The following ATP10B variants were observed in gnomAD, a reference collection of about 807,000 sequenced individuals.
The protein encoded by ATP10B is ATPase phospholipid transporting 10B (putative), also known as phospholipid-transporting ATPase VB.
Under a neutral mutation model 141.2 loss-of-function variants are expected in ATP10B, and 122 were observed. The ratio of observed to expected loss-of-function variants is 0.86; its 90% CI spans 0.75 to 1.00. ATP10B has a LOEUF of 1.00. Among genes scored for constraint, ATP10B ranks in the 50% least tolerant of loss-of-function variants. The pLI is 0.00. For missense variants in ATP10B, 1,876 were observed against 1,825.3 expected (o/e 1.03, Z -0.51); for synonymous variants, 685 against 692.0 (o/e 0.99, Z 0.16).
intron 22 of ATP10B, among the ~76,000 whole-genome samples, chr5:160,595,171 C>G (rs747974055): frequency 6.6e-6 from 1 of 152,172 alleles, no homozygotes; most frequent in Admixed American, 6.6e-5. Flanking sequence ...TGTAAAAGAA[C>G]AGAAATTATA....
chr5:160,809,976 T>C (rs1158250436), intron 1 of ATP10B, among the ~76,000 whole-genome samples: 1 of 152,210 alleles, frequency 6.6e-6, no homozygotes, highest in Non-Finnish European at 1.5e-5. Flanking sequence ...CTTTAAGACA[T>C]TGGTCAGGTA....
At position 160,565,863 on chromosome 5, in the gene ATP10B, A is replaced by G. The variant is rs535447038; in HGVS notation, c.3976T>C (p.Ser1326Pro). The part of the protein sequence containing the change: ...FLSLQGTCGK[S>P]LISKAQKIDK... The stretch of plus-strand genomic sequence containing the variant: ...ATTTTCTGAGCTTTTGAGATTAGAG[A>G]CTTCCCACAAGTTCCTTGCAGAGAC... The change falls in exon 26 of 26, where the codon TCT becomes CCT. Residue 1326 changes from serine (S) to proline (P), a missense_variant. Physicochemically the swap from Ser to Pro is moderately conservative, Grantham distance 74. Coordinates refer to ENST00000327245, the MANE Select transcript of ATP10B (RefSeq NM_025153.3). 6.2e-7 allele frequency: 1 copy of G among 1,613,458 alleles called. No individual in the cohort carries two copies. Among genetic ancestry groups the G allele is most frequent in the South Asian group, 1.1e-5 (1 of 91,004 alleles).
At chr5:160,866,551 C>T in the ATP10B span, among the ~76,000 whole-genome samples, 46 of 152,002 alleles carry the variant, frequency 3.0e-4, 1 homozygote, top group Middle Eastern at 6.8e-3. Flanking sequence ...TGCATGCCTG[C>T]AATCCCAGCT....
At chr5:160,707,442 T>C (rs1211729818) in intron 3 of ATP10B, among the ~76,000 whole-genome samples, 1 of 152,220 alleles carries the variant, frequency 6.6e-6, no homozygotes, top group African/African-American at 2.4e-5. Context: ...CTTGCTCCAT[T>C]TGAGATGCTG....
chr5:160,808,944 T>C (rs1304157797), intron 1 of ATP10B, among the ~76,000 whole-genome samples: 1 of 152,202 alleles, frequency 6.6e-6, no homozygotes, highest in South Asian at 2.1e-4. Context: ...TCTTCCCTGG[T>C]TGCTGGTGGT....
At chr5:160,854,429 T>A (rs1334460496), upstream of ATP10B, among the ~76,000 whole-genome samples, 1 of 152,136 alleles carries the variant, frequency 6.6e-6, no homozygotes, top group East Asian at 1.9e-4. Flanking sequence ...GGTGTTTGGT[T>A]TTCTGTTCCT....
At chr5:160,770,902 G>A (rs1002896205) in intron 2 of ATP10B, among the ~76,000 whole-genome samples, 4 of 152,174 alleles carry the variant, frequency 2.6e-5, no homozygotes, top group African/African-American at 4.8e-5. Flanking sequence ...AATTTCTATA[G>A]CGTAGGTATT....
At position 160,653,409 on chromosome 5, in the gene ATP10B, A is replaced by G. The variant is rs1177419110; in HGVS notation, c.676-4153T>C. ...AGTATATATACATACGTACATACAT[A>G]CATAGGTAGTATATATACATATGTA... is the stretch of plus-strand genomic sequence containing the variant. On this transcript the variant is annotated intron_variant, in intron 7 of 25. Coordinates refer to ENST00000327245, the MANE Select transcript of ATP10B (RefSeq NM_025153.3). Among the ~76,000 whole-genome samples, 3 of 25,094 alleles carry G rather than the reference A, an allele frequency of 1.2e-4. 1 individual carries two copies. Among genetic ancestry groups the G allele is most frequent in the Non-Finnish European group, 2.8e-4 (3 of 10,814 alleles). The allele number at this position is 25,094 out of a possible 152,430, so 16.5% of individuals were successfully genotyped here.
chr5:160,799,455 T>TA (rs1208862732), intron 1 of ATP10B, among the ~76,000 whole-genome samples: 1 of 152,252 alleles, frequency 6.6e-6, no homozygotes, highest in Non-Finnish European at 1.5e-5. Flanking sequence ...CTCCTCCTTC[T>TA]AGCCCTCTTC....
intron 1 of ATP10B, among the ~76,000 whole-genome samples, chr5:160,819,719 T>C (rs113230315): frequency 0.037 from 5,646 of 152,266 alleles, 115 homozygotes; most frequent in South Asian, 0.066. Flanking sequence ...AGTTTTCTTT[T>C]TGCTTGTTTG....
intron 1 of ATP10B, among the ~76,000 whole-genome samples, chr5:160,824,415 G>T (rs573875191): frequency 6.6e-6 from 1 of 152,160 alleles, no homozygotes; most frequent in Admixed American, 6.5e-5. Context: ...AGAAGTCAGT[G>T]GTTGCAACTG....
At chr5:160,800,591 TA>T (rs1772310902) in intron 1 of ATP10B, among the ~76,000 whole-genome samples, 1 of 152,206 alleles carries the variant, frequency 6.6e-6, no homozygotes, top group African/African-American at 2.4e-5. Context: ...GCATGCTGAA[TA>T]AATATTTGCA....
In ATP10B at chr5:160,744,734, G is replaced by C. The variant is rs531402075; in HGVS notation, c.-330-27700C>G. Reference sequence around the variant, plus strand: ...CAATGACAGATTAGCTGAGACTGAAGTACAATGACAGGTCTTTGTAACTGT... The same window carrying C: ...CAATGACAGATTAGCTGAGACTGAACTACAATGACAGGTCTTTGTAACTGT... On this transcript the variant is annotated intron_variant, in intron 2 of 25. Coordinates refer to ENST00000327245, the MANE Select transcript of ATP10B (RefSeq NM_025153.3). Among the ~76,000 whole-genome samples, 101 of 152,314 alleles carry C rather than the reference G, an allele frequency of 6.6e-4. 1 individual carries two copies. The highest frequency in any genetic ancestry group is 2.4e-3 in the African/African-American group (101 of 41,562).
chr5:160,747,830 A>G (rs1326514293), intron 2 of ATP10B, among the ~76,000 whole-genome samples: 3 of 152,002 alleles, frequency 2.0e-5, no homozygotes, highest in African/African-American at 7.2e-5. Flanking sequence ...TTGTTCTCAT[A>G]GCTTGCTTTT....
At chr5:160,921,609 C>G in the ATP10B span, among the ~76,000 whole-genome samples, 1 of 152,226 alleles carries the variant, frequency 6.6e-6, no homozygotes, top group African/African-American at 2.4e-5. Context: ...TTTATAGTCA[C>G]TCTCTGTTTG....
At chr5:160,701,180 G>A (rs1199419123) in intron 3 of ATP10B, among the ~76,000 whole-genome samples, 1 of 152,014 alleles carries the variant, frequency 6.6e-6, no homozygotes, top group Non-Finnish European at 1.5e-5. Flanking sequence ...ACTCTAGATC[G>A]ACTCATGCCA....
chr5:160,881,657 A>C, the ATP10B span, among the ~76,000 whole-genome samples: 2,288 of 152,168 alleles, frequency 0.015, 67 homozygotes, highest in African/African-American at 0.051. Context: ...CTAAAAATAT[A>C]AAAAATTATC....
intron 2 of ATP10B, among the ~76,000 whole-genome samples, chr5:160,752,117 C>T (rs1024620709): frequency 1.4e-5 from 2 of 145,070 alleles, no homozygotes; most frequent in Non-Finnish European, 3.0e-5. Flanking sequence ...TTTGTGCATG[C>T]AAGAAAATAA....
intron 8 of ATP10B, 41 bp from the exon 9 acceptor site, chr5:160,644,285 C>T: frequency 1.4e-6 from 2 of 1,423,238 alleles, no homozygotes; most frequent in Non-Finnish European, 2.0e-6. Flanking sequence ...GTTTGGTGGC[C>T]TTTCCTTGCT....
Sources: gnomAD v4.1 joint callset for allele counts (sites outside exome capture counted in the v4.1 genomes callset) on GRCh38, gnomAD v4.1.1 for gene constraint, MANE v1.5 for transcripts, NCBI Gene and HGNC (gene_info 2026-07-23, HGNC 2026-07-21) for gene names.